Variants in SCD5 observed in about 807,000 individuals in gnomAD.
SCD5 encodes the protein acyl-CoA-desaturase 4.
Under a neutral mutation model 30.4 loss-of-function variants are expected in SCD5, and 20 were observed. That is an observed-to-expected ratio of 0.66 (90% confidence interval 0.46 to 0.96). The LOEUF is 0.96. Among genes scored for constraint, SCD5 ranks in the 40% least tolerant of loss-of-function variants. SCD5 has a pLI of 0.00. For missense variants in SCD5, 381 were observed against 443.3 expected (o/e 0.86, Z 1.26); for synonymous variants, 173 against 176.4 (o/e 0.98, Z 0.16).
At chr4:82,723,387 T>C (rs1360282048) in intron 1 of SCD5, among the ~76,000 whole-genome samples, 1 of 152,218 alleles carries the variant, frequency 6.6e-6, no homozygotes, top group Non-Finnish European at 1.5e-5. Flanking sequence ...TGTTTTTTCT[T>C]ATTGGGCAGC....
intron 1 of SCD5, among the ~76,000 whole-genome samples, chr4:82,764,880 C>T (rs1446841634): frequency 6.6e-6 from 1 of 152,022 alleles, no homozygotes; most frequent in Non-Finnish European, 1.5e-5. Flanking sequence ...GCATGTGCCA[C>T]CAGGGCTGGC....
chr4:82,755,735 A>G (rs1310766065), intron 1 of SCD5, among the ~76,000 whole-genome samples: 1 of 152,156 alleles, frequency 6.6e-6, no homozygotes, highest in Non-Finnish European at 1.5e-5. Context: ...TATTTCTCCT[A>G]CTCATTCTCA....
intron 1 of SCD5, among the ~76,000 whole-genome samples, chr4:82,739,213 C>T (rs1048366401): frequency 6.6e-5 from 10 of 152,158 alleles, no homozygotes; most frequent in African/African-American, 2.4e-4. Context: ...TCCCTCTCAA[C>T]ACTGGTAAGA....
At chr4:82,772,749 T>C (rs926277015) in intron 1 of SCD5, among the ~76,000 whole-genome samples, 3 of 152,206 alleles carry the variant, frequency 2.0e-5, no homozygotes, top group African/African-American at 7.2e-5. Flanking sequence ...TCCCCCGCTG[T>C]GCTCCCCTGA....
intron 1 of SCD5, among the ~76,000 whole-genome samples, chr4:82,762,222 G>GGGGGA: frequency 1.5e-5 from 2 of 133,420 alleles, no homozygotes; most frequent in Non-Finnish European, 3.2e-5. Flanking sequence ...GAGGAGGGGA[G>GGGGGA]GGGGAGAGGA....
At chr4:82,695,276 G>A (rs1474029621) in intron 2 of SCD5, among the ~76,000 whole-genome samples, 1 of 152,160 alleles carries the variant, frequency 6.6e-6, no homozygotes, top group Non-Finnish European at 1.5e-5. Context: ...TATTTAGCTG[G>A]AGAGTCGTTT....
intron 1 of SCD5, among the ~76,000 whole-genome samples, chr4:82,748,241 T>C (rs925579475): frequency 6.6e-6 from 1 of 152,088 alleles, no homozygotes; most frequent in African/African-American, 2.4e-5. Flanking sequence ...GGCCCATCCA[T>C]TGTCCAGAAA....
At chr4:82,679,728 T>G (rs11099545) in intron 3 of SCD5, among the ~76,000 whole-genome samples, 8,627 of 152,222 alleles carry the variant, frequency 0.057, 383 homozygotes, top group African/African-American at 0.12. Flanking sequence ...ACTGCTCCCC[T>G]CAGCGTAAAA....
chr4:82,727,732 T>C (rs1377479302), intron 1 of SCD5, among the ~76,000 whole-genome samples: 1 of 152,152 alleles, frequency 6.6e-6, no homozygotes, highest in African/African-American at 2.4e-5. Context: ...TTTGAGACAG[T>C]GTCTCACTCT....
intron 1 of SCD5, among the ~76,000 whole-genome samples, chr4:82,745,262 C>T (rs1394499324): frequency 2.6e-5 from 4 of 152,226 alleles, no homozygotes; most frequent in Admixed American, 2.0e-4. Flanking sequence ...TTCACATTAT[C>T]TAGCCTCACA....
chr4:82,720,442 A>T (rs6848853), intron 1 of SCD5, among the ~76,000 whole-genome samples: 2 of 50,232 alleles, frequency 4.0e-5, no homozygotes, highest in Non-Finnish European at 6.7e-5. Context: ...AGGCAAAAAT[A>T]AAAAAAAAAA....
At chr4:82,746,327 TG>T (rs1720981578) in intron 1 of SCD5, among the ~76,000 whole-genome samples, 1 of 152,102 alleles carries the variant, frequency 6.6e-6, no homozygotes, top group Non-Finnish European at 1.5e-5. Flanking sequence ...GGCTGAGGAG[TG>T]GCTTTCAGCC....
At chr4:82,787,886 A>T (rs1722019349) in intron 1 of SCD5, among the ~76,000 whole-genome samples, 1 of 152,056 alleles carries the variant, frequency 6.6e-6, no homozygotes, top group African/African-American at 2.4e-5. Flanking sequence ...TAACGTAAAA[A>T]ATTAACCAGG....
chr4:82,678,056 C>A (rs1489293599), intron 3 of SCD5, among the ~76,000 whole-genome samples: 1 of 151,984 alleles, frequency 6.6e-6, no homozygotes, highest in Non-Finnish European at 1.5e-5. Flanking sequence ...CATTCTGGGG[C>A]TAGACCAGGC....
intron 1 of SCD5, among the ~76,000 whole-genome samples, chr4:82,785,169 C>T (rs542440986): frequency 6.6e-6 from 1 of 152,272 alleles, no homozygotes; most frequent in African/African-American, 2.4e-5. Flanking sequence ...CAGAATATGC[C>T]GCTCCAAAAT....
At chr4:82,714,844 A>G (rs1386336002) in intron 1 of SCD5, among the ~76,000 whole-genome samples, 3 of 152,098 alleles carry the variant, frequency 2.0e-5, no homozygotes, top group African/African-American at 7.2e-5. Flanking sequence ...TATAAAATCT[A>G]AAACACTTCT....
chr4:82,733,790 G>A (rs964495943), intron 1 of SCD5, among the ~76,000 whole-genome samples: 7 of 152,082 alleles, frequency 4.6e-5, no homozygotes, highest in Non-Finnish European at 7.3e-5. Context: ...TCTGGGTCTC[G>A]GGAACATGGT....
In SCD5 at chr4:82,679,275, AGAAAGAAGGAAG is replaced by A. The variant is rs1560531738; in HGVS notation, c.569+1420_569+1431del. Reference sequence around the variant, plus strand: ...AAGAAAGAAAGAAGGAAGGAAAGAAAGAAAGAAGGAAGGAAAGAAAGAAAGAAAACATCTTGT... The same window carrying A: ...AAGAAAGAAAGAAGGAAGGAAAGAAAGAAAGAAAGAAAGAAAACATCTTGT... On this transcript the variant is annotated intron_variant, in intron 3 of 4. Transcript: ENST00000319540. Among the ~76,000 whole-genome samples, 139 of 119,638 alleles carry A rather than the reference AGAAAGAAGGAAG, an allele frequency of 1.2e-3. 1 individual carries two copies. The Middle Eastern group carries it at 0.012, about 11-fold the overall frequency. The allele number at this position is 119,638 out of a possible 152,430, so 78.5% of individuals were successfully genotyped here.
In SCD5 at chr4:82,770,116, T is replaced by C. The variant is rs368323048; in HGVS notation, c.232+28190A>G. 2.8e-4 allele frequency among the ~76,000 whole-genome samples: 43 copies of C among 152,272 alleles called. No homozygotes were observed. The South Asian group carries it at 8.5e-3, about 30-fold the overall frequency. ...TTGTTACATATGTATACATGTGCCATGTTGGTGTGCTGCACCCATTAACTC... is the reference window on the plus strand; with the variant it reads ...TTGTTACATATGTATACATGTGCCACGTTGGTGTGCTGCACCCATTAACTC... On this transcript the variant is annotated intron_variant, in intron 1 of 4. Coordinates refer to ENST00000319540, the MANE Select transcript of SCD5 (RefSeq NM_001037582.3).
Sources: gnomAD v4.1 joint callset for allele counts (sites outside exome capture counted in the v4.1 genomes callset) on GRCh38, gnomAD v4.1.1 for gene constraint, MANE v1.5 for transcripts, NCBI Gene and HGNC (gene_info 2026-07-23, HGNC 2026-07-21) for gene names.